Variants in HTR2C observed in about 807,000 individuals in gnomAD.
HTR2C encodes the protein 5-hydroxytryptamine receptor 2C.
A neutral mutation model predicts 21.0 loss-of-function variants in HTR2C; 5 were observed. The observed-to-expected ratio is 0.24, with a 90% CI of 0.12 to 0.50. The LOEUF (loss-of-function observed/expected upper bound fraction) is 0.50, where lower values mean the gene tolerates loss of function less well. Ranked by LOEUF, HTR2C falls within the 20% of genes least tolerant of loss-of-function variation. The probability of loss-of-function intolerance (pLI) is 0.98; values close to 1 mark genes in which losing one functional copy is unlikely to be tolerated. For synonymous variants in HTR2C, 150 were observed against 145.3 expected, an observed-to-expected ratio of 1.03 and a Z score of -0.23; for missense variants, 271 against 371.2, an observed-to-expected ratio of 0.73 and a Z score of 2.22.
rs1398935443 is a variant in HTR2C, at chrX:114,830,209, T to A, written c.350-17794T>A. On this transcript the variant is annotated intron_variant, in intron 4 of 5. Coordinates refer to ENST00000276198, the MANE Select transcript of HTR2C (RefSeq NM_000868.4). Reference sequence around the variant, plus strand: ...TTAATGATCGATGCTTGCCTCCTTTTATGCCAGGATAGAAAAAGTGAAGCA... The same window carrying A: ...TTAATGATCGATGCTTGCCTCCTTTAATGCCAGGATAGAAAAAGTGAAGCA... Among the ~76,000 whole-genome samples, 4 of 111,173 alleles carry A rather than the reference T, an allele frequency of 3.6e-5. No individual in the cohort carries two copies. The East Asian group carries it at 8.5e-4, about 24-fold the overall frequency.
chrX:114,868,224 C>A (rs1366960245), intron 5 of HTR2C, among the ~76,000 whole-genome samples: 1 of 110,257 alleles, frequency 9.1e-6, no homozygotes, highest in Non-Finnish European at 1.9e-5. Flanking sequence ...TTTTTCACTT[C>A]TTTGGTTAAT....
chrX:114,828,289 T>C (rs972642732), intron 4 of HTR2C, among the ~76,000 whole-genome samples: 2 of 111,328 alleles, frequency 1.8e-5, no homozygotes, highest in African/African-American at 3.3e-5. Flanking sequence ...TTCAGTTGGT[T>C]CTTTTTAATA....
chrX:114,685,323 C>CTGTGT (rs1931876541), intron 2 of HTR2C, among the ~76,000 whole-genome samples: 1 of 111,650 alleles, frequency 9.0e-6, no homozygotes, highest in African/African-American at 3.3e-5. Context: ...CTTGACTACA[C>CTGTGT]AGCTTATAAG....
At chrX:114,836,788 A>G (rs2070789876) in intron 4 of HTR2C, among the ~76,000 whole-genome samples, 1 of 111,494 alleles carries the variant, frequency 9.0e-6, no homozygotes, top group Admixed American at 9.4e-5. Context: ...TATGAAAACA[A>G]AATTGATTGA....
At chrX:114,705,579 A>G (rs1453750542) in intron 2 of HTR2C, among the ~76,000 whole-genome samples, 1 of 107,801 alleles carries the variant, frequency 9.3e-6, no homozygotes, top group African/African-American at 3.4e-5. Context: ...AAAGACTTAA[A>G]GGTTAGACCT....
At chrX:114,794,674 G>A (rs782096799) in intron 4 of HTR2C, among the ~76,000 whole-genome samples, 1 of 107,821 alleles carries the variant, frequency 9.3e-6, no homozygotes, top group East Asian at 3.0e-4. Flanking sequence ...ATGGTTTCCA[G>A]TTTCATCCAT....
intron 4 of HTR2C, among the ~76,000 whole-genome samples, chrX:114,827,715 A>C (rs1031837628): frequency 2.7e-5 from 3 of 110,894 alleles, no homozygotes; most frequent in Non-Finnish European, 5.7e-5. Context: ...TTCACCTGAG[A>C]ATCTCTTTAT....
intron 4 of HTR2C, among the ~76,000 whole-genome samples, chrX:114,811,294 CTT>C (rs368771870): frequency 9.8e-6 from 1 of 102,032 alleles, no homozygotes; most frequent in African/African-American, 3.5e-5. Flanking sequence ...AAAGGCCAGT[CTT>C]TTTTTTTTTT....
chrX:114,655,063 G>A (rs1358243513), intron 2 of HTR2C, among the ~76,000 whole-genome samples: 1 of 107,656 alleles, frequency 9.3e-6, no homozygotes, highest in Non-Finnish European at 1.9e-5. Context: ...GCCATACCAA[G>A]AATGAAGAGG....
intron 4 of HTR2C, among the ~76,000 whole-genome samples, chrX:114,825,595 C>T (rs376783417): frequency 5.2e-4 from 58 of 111,248 alleles, no homozygotes; most frequent in African/African-American, 1.8e-3. Context: ...TTCCTGTTGT[C>T]AGGTGGTATG....
chrX:114,595,614 T>C (rs782634466), intron 1 of HTR2C, among the ~76,000 whole-genome samples: 18 of 111,103 alleles, frequency 1.6e-4, no homozygotes, highest in Non-Finnish European at 3.2e-4. Context: ...AAATAAATGA[T>C]ACAATTAGGA....
At chrX:114,681,259 C>G (rs1456892623) in intron 2 of HTR2C, among the ~76,000 whole-genome samples, 2 of 111,417 alleles carry the variant, frequency 1.8e-5, no homozygotes, top group Non-Finnish European at 3.8e-5. Flanking sequence ...TCATTTTATT[C>G]TGGGTAAGAT....
intron 5 of HTR2C, among the ~76,000 whole-genome samples, chrX:114,904,400 A>G (rs2071357729): frequency 1.8e-5 from 2 of 111,583 alleles, no homozygotes; most frequent in Non-Finnish European, 3.8e-5. Context: ...TCCAAACATC[A>G]TAATACTTCA....
At chrX:114,820,828 T>C (rs892134447) in intron 4 of HTR2C, among the ~76,000 whole-genome samples, 1 of 111,189 alleles carries the variant, frequency 9.0e-6, no homozygotes, top group African/African-American at 3.3e-5. Flanking sequence ...GTCTCGGGTA[T>C]GTCTTTAGCA....
chrX:114,650,739 C>G (rs1224301362), intron 2 of HTR2C, among the ~76,000 whole-genome samples: 3 of 111,938 alleles, frequency 2.7e-5, no homozygotes, highest in Non-Finnish European at 5.6e-5. Context: ...GTAGACAGTT[C>G]CTCATCTGTC....
rs1013353054 is a variant in HTR2C, at chrX:114,610,878, G to A, written c.-146-2937G>A. ...TTAATATAAAGAATGTCGTGATCAG[G>A]AGGAAGGGAAGAAGCAAGTGAGCCT... On this transcript the variant is annotated intron_variant, in intron 1 of 5. Transcript: ENST00000276198. Among the ~76,000 whole-genome samples, 7 of 111,762 alleles carry A rather than the reference G, an allele frequency of 6.3e-5. 1 individual carries two copies. Among genetic ancestry groups the A allele is most frequent in the Admixed American group, 1.9e-4 (2 of 10,496 alleles).
intron 2 of HTR2C, among the ~76,000 whole-genome samples, chrX:114,619,667 G>A (rs1404705748): frequency 9.0e-6 from 1 of 111,139 alleles, no homozygotes; most frequent in Non-Finnish European, 1.9e-5. Flanking sequence ...GAGCTTAAAG[G>A]CATTTTTTTT....
At position 114,586,961 on chromosome X, in the gene HTR2C, G is replaced by A. The variant is rs782783040; in HGVS notation, c.-147+2302G>A. On this transcript the variant is annotated intron_variant, in intron 1 of 5. Coordinates refer to ENST00000276198, the MANE Select transcript of HTR2C (RefSeq NM_000868.4). ...AAGAGAATAAGAAATATTTATTTGTGCTTCCAAGTCTACTTGGGAAGAGCA... is the reference window on the plus strand; with the variant it reads ...AAGAGAATAAGAAATATTTATTTGTACTTCCAAGTCTACTTGGGAAGAGCA... 6.3e-5 allele frequency among the ~76,000 whole-genome samples: 7 copies of A among 111,144 alleles called. No homozygotes were observed. In the South Asian group the frequency reaches 2.7e-3, roughly 42 times the overall value.
rs2069976278 is a variant in HTR2C, at chrX:114,769,255, T to C, written c.349+37648T>C. Among the ~76,000 whole-genome samples the C allele has an allele frequency of 4.5e-5, 5 of 111,273 alleles. No homozygotes were observed. In the South Asian group the frequency reaches 1.9e-3, roughly 41 times the overall value. On this transcript the variant is annotated intron_variant, in intron 4 of 5. Coordinates refer to ENST00000276198, the MANE Select transcript of HTR2C (RefSeq NM_000868.4). ...ATAACAATAACAAAAATAAGGCTAATAATACATATAGGTACAGTATATTGG... is the reference window on the plus strand; with the variant it reads ...ATAACAATAACAAAAATAAGGCTAACAATACATATAGGTACAGTATATTGG...
Sources: gnomAD v4.1 joint callset for allele counts (sites outside exome capture counted in the v4.1 genomes callset) on GRCh38, gnomAD v4.1.1 for gene constraint, MANE v1.5 for transcripts, NCBI Gene and HGNC (gene_info 2026-07-23, HGNC 2026-07-21) for gene names.